OCIAD2: variants seen among roughly 807,000 people sequenced by gnomAD.
The protein encoded by OCIAD2 is OCIA domain-containing protein 2.
OCIAD2 carries 29 observed loss-of-function variants against 22.9 expected under a neutral mutation model. The ratio of observed to expected loss-of-function variants is 1.27; its 90% CI spans 0.94 to 1.73. The LOEUF (loss-of-function observed/expected upper bound fraction) is 1.73, where lower values mean the gene tolerates loss of function less well. Ranked by LOEUF, OCIAD2 falls within the 40% of genes most tolerant of loss-of-function variation. The probability of loss-of-function intolerance (pLI) is 0.00; values close to 1 mark genes in which losing one functional copy is unlikely to be tolerated. For synonymous variants in OCIAD2, 67 were observed against 60.2 expected (o/e 1.11, Z -0.52); for missense variants, 189 against 180.3 (o/e 1.05, Z -0.28).
intron 4 of OCIAD2, among the ~76,000 whole-genome samples, chr4:48,894,426 G>T (rs1318032938): frequency 6.6e-6 from 1 of 152,114 alleles, no homozygotes; most frequent in Admixed American, 6.5e-5. Context: ...CCAGGAGGCG[G>T]AGGTTGCAGT....
At chr4:48,894,353 C>T (rs980320968) in intron 4 of OCIAD2, among the ~76,000 whole-genome samples, 11 of 152,004 alleles carry the variant, frequency 7.2e-5, no homozygotes, top group Admixed American at 3.3e-4. Flanking sequence ...CTTAGCCAGG[C>T]ATGATGGTGG....
intron 1 of OCIAD2, 91 bp downstream of exon 1, chr4:48,906,567 C>A (rs543686184): frequency 6.5e-6 from 1 of 153,090 alleles, no homozygotes; most frequent in Admixed American, 6.5e-5. Flanking sequence ...CACCGCTGCA[C>A]CGCGCGGCCT....
chr4:48,885,349 C>T lies in OCIAD2; in HGVS notation c.*135G>A, dbSNP rs116055217. On this transcript the variant is annotated 3_prime_UTR_variant, in exon 7 of 7. Transcript: ENST00000508632. ...GCTTAGTTCACTTGAAAGCCTTCCA[C>T]GGAATACATTTCAGTGAGTGACAGA... is the stretch of plus-strand genomic sequence containing the variant. The T allele has an allele frequency of 4.8e-4, 336 of 693,930 alleles. 1 individual carries two copies. In the African/African-American group the frequency reaches 5.1e-3, roughly 11 times the overall value. 43.0% of individuals were successfully genotyped at this position (693,930 alleles called of 1,614,324 possible).
intron 4 of OCIAD2, among the ~76,000 whole-genome samples, chr4:48,895,172 C>A (rs1328754654): frequency 6.6e-6 from 1 of 152,102 alleles, no homozygotes; most frequent in Non-Finnish European, 1.5e-5. Context: ...TGGGGCGACG[C>A]CTTGATTTTA....
At chr4:48,904,034 ATCC>A (rs921050942) in intron 2 of OCIAD2, among the ~76,000 whole-genome samples, 3 of 152,132 alleles carry the variant, frequency 2.0e-5, no homozygotes, top group African/African-American at 7.2e-5. Context: ...TTCCTTCCCC[ATCC>A]TATTTTCCCT....
intron 6 of OCIAD2, 141 bp from the exon 7 acceptor site, chr4:48,885,706 G>T: frequency 5.4e-6 from 3 of 560,214 alleles, no homozygotes; most frequent in Non-Finnish European, 9.6e-6. Context: ...TGCCCAGGCT[G>T]GTCTCGAGGG....
intron 6 of OCIAD2, among the ~76,000 whole-genome samples, chr4:48,888,748 T>C (rs1781070624): frequency 6.6e-6 from 1 of 152,242 alleles, no homozygotes; most frequent in Admixed American, 6.5e-5. Flanking sequence ...CAGTAGTCTA[T>C]TGAGGATTTT....
intron 6 of OCIAD2, among the ~76,000 whole-genome samples, chr4:48,890,094 C>T (rs1207933333): frequency 2.1e-5 from 2 of 95,792 alleles, no homozygotes; most frequent in Admixed American, 1.5e-4. Flanking sequence ...CATTACATAC[C>T]GGGGCTTGTT....
intron 2 of OCIAD2, 67 bp downstream of exon 2, chr4:48,904,417 C>T: frequency 7.2e-7 from 1 of 1,384,100 alleles, no homozygotes; most frequent in Non-Finnish European, 1.0e-6. Context: ...CCACTGCACT[C>T]CAGTCTGGGT....
intron 6 of OCIAD2, among the ~76,000 whole-genome samples, chr4:48,889,025 A>G (rs112167703): frequency 1.4e-4 from 22 of 152,240 alleles, no homozygotes; most frequent in Admixed American, 3.9e-4. Context: ...GCCTGTTATT[A>G]GTCTACTGAA....
intron 6 of OCIAD2, among the ~76,000 whole-genome samples, chr4:48,889,847 G>T (rs962955191): frequency 1.3e-5 from 2 of 152,140 alleles, no homozygotes; most frequent in Non-Finnish European, 2.9e-5. Flanking sequence ...CAAAGACTTG[G>T]AACCAACCCA....
At chr4:48,900,095 C>T (rs1781383447) in intron 2 of OCIAD2, among the ~76,000 whole-genome samples, 170 bp from the exon 3 acceptor site, 1 of 152,190 alleles carries the variant, frequency 6.6e-6, no homozygotes, top group Admixed American at 6.5e-5. Context: ...TCACTGGGAA[C>T]ACTGATGGAC....
chr4:48,904,898 T>A (rs1325067159), intron 1 of OCIAD2, among the ~76,000 whole-genome samples: 1 of 152,128 alleles, frequency 6.6e-6, no homozygotes, highest in African/African-American at 2.4e-5. Context: ...AGATCACCGC[T>A]GTGAAGGAAT....
At chr4:48,906,393 C>A (rs1052351026) in intron 1 of OCIAD2, among the ~76,000 whole-genome samples, 1 of 152,148 alleles carries the variant, frequency 6.6e-6, no homozygotes, top group South Asian at 2.1e-4. Context: ...GGACGGCGGA[C>A]GGGGGACACT....
chr4:48,887,606 A>G (rs1579146252), intron 6 of OCIAD2, among the ~76,000 whole-genome samples: 2 of 152,086 alleles, frequency 1.3e-5, no homozygotes, highest in East Asian at 1.9e-4. Context: ...TCCTTTCCCC[A>G]TTTCTTGTTT....
chr4:48,895,832 G>T (rs778050820), intron 4 of OCIAD2, among the ~76,000 whole-genome samples: 39 of 152,130 alleles, frequency 2.6e-4, no homozygotes, highest in Non-Finnish European at 4.0e-4. Context: ...AGGAGTTTGA[G>T]ACCAGCCTGG....
In OCIAD2 at chr4:48,895,788, C is replaced by T. The variant is rs975724186; in HGVS notation, c.218-1735G>A. Reference sequence around the variant, plus strand: ...CAGCACTTTGGGAGGCTGAGATGGGCAGATCACTTGAGGTGGGCAGATCAC... The same window carrying T: ...CAGCACTTTGGGAGGCTGAGATGGGTAGATCACTTGAGGTGGGCAGATCAC... On this transcript the variant is annotated intron_variant, in intron 4 of 6. Transcript: ENST00000508632. Among the ~76,000 whole-genome samples, 23 of 151,842 alleles carry T rather than the reference C, an allele frequency of 1.5e-4. 1 individual carries two copies. The highest frequency in any genetic ancestry group is 5.6e-4 in the African/African-American group (23 of 41,314).
At chr4:48,890,229 A>T (rs1482930697) in intron 6 of OCIAD2, among the ~76,000 whole-genome samples, 1 of 152,100 alleles carries the variant, frequency 6.6e-6, no homozygotes, top group Non-Finnish European at 1.5e-5. Flanking sequence ...AATGTTGTGC[A>T]CATGTACCCC....
intron 2 of OCIAD2, among the ~76,000 whole-genome samples, chr4:48,901,114 C>A (rs1227546847): frequency 6.6e-6 from 1 of 151,968 alleles, no homozygotes; most frequent in Non-Finnish European, 1.5e-5. Flanking sequence ...GTGAATGTAT[C>A]TTTTTAATGT....
Sources: allele counts gnomAD v4.1 joint callset (sites outside exome capture counted in the v4.1 genomes callset), GRCh38; gene constraint gnomAD v4.1.1; transcripts MANE v1.5; gene names NCBI Gene and HGNC (gene_info 2026-07-23, HGNC 2026-07-21).